Variants in WDFY3 observed in about 807,000 individuals in gnomAD.
WDFY3 encodes WD repeat and FYVE domain-containing protein 3.
In WDFY3, 66 loss-of-function variants were observed where a neutral mutation model predicts 409.6. That is an observed-to-expected ratio of 0.16 (90% CI 0.13 to 0.20). The LOEUF is 0.20. Among genes scored for constraint, WDFY3 ranks in the 10% least tolerant of loss-of-function variants. The pLI is 1.00. For synonymous variants in WDFY3, 1,521 were observed against 1,537.1 expected, an observed-to-expected ratio of 0.99 and a Z score of 0.25; for missense variants, 3,031 against 4,298.1, an observed-to-expected ratio of 0.71 and a Z score of 8.24.
In WDFY3 at chr4:84,692,933, A is replaced by T; in HGVS notation, c.9001T>A (p.Phe3001Ile). 6.2e-7 allele frequency: 1 copy of T among 1,613,370 alleles called. No individual in the cohort carries two copies. Among genetic ancestry groups the T allele is most frequent in the Non-Finnish European group, 8.5e-7 (1 of 1,179,884 alleles). ...VLPGSTSDKI[F>I]FHHLDNLRPS... ...CTCAAGTTGTCTAGATGATGAAAAA[A>T]GATCTTGTCACTTGTAGATCCTGGT... The change falls in exon 59 of 68, where the codon TTT becomes ATT. Residue 3001 changes from phenylalanine (F) to isoleucine (I), a missense_variant. Physicochemically the swap from Phe to Ile is conservative, Grantham distance 21. Around this residue, in one of 16 missense-constraint regions of WDFY3, gnomAD observed 152 missense variants for 193.5 expected, o/e 0.79. Transcript: ENST00000295888.
At chr4:84,755,518 C>T (rs1741285375) in intron 33 of WDFY3, 118 bp from the exon 34 acceptor site, 1 of 1,149,594 alleles carries the variant, frequency 8.7e-7, no homozygotes, top group Non-Finnish European at 1.2e-6. Context: ...TTAAAAGTAA[C>T]CAATGATATA....
chr4:84,913,851 T>C (rs1052855748), intron 2 of WDFY3, among the ~76,000 whole-genome samples: 2 of 151,884 alleles, frequency 1.3e-5, no homozygotes, highest in African/African-American at 4.8e-5. Context: ...TTCCCTTCCC[T>C]TCCACCTCCT....
intron 56 of WDFY3, among the ~76,000 whole-genome samples, chr4:84,700,619 G>A (rs6816534): frequency 0.27 from 40,943 of 152,124 alleles, 6,034 homozygotes; most frequent in East Asian, 0.43. Context: ...AAGTAGATTG[G>A]TTAGTTGGGT....
At chr4:84,763,312 T>C (rs1427208393) in intron 32 of WDFY3, among the ~76,000 whole-genome samples, 1 of 151,702 alleles carries the variant, frequency 6.6e-6, no homozygotes, top group Non-Finnish European at 1.5e-5. Context: ...TTCTCACTCA[T>C]AAGTGGGAGT....
chr4:84,720,836 A>T (rs1166402844), intron 47 of WDFY3, among the ~76,000 whole-genome samples: 2 of 151,934 alleles, frequency 1.3e-5, no homozygotes, highest in East Asian at 3.9e-4. Flanking sequence ...GGAAAAAAAA[A>T]CACAACATGG....
rs754220010 is a variant in WDFY3, at chr4:84,735,098, G to A, written c.6938C>T (p.Thr2313Ile). 1.2e-6 allele frequency: 2 copies of A among 1,612,966 alleles called. No individual in the cohort carries two copies. The highest frequency in any genetic ancestry group is 1.1e-5 in the South Asian group (1 of 91,040). The change falls in exon 43 of 68, where the codon ACT (threonine) becomes ATT (isoleucine). Residue 2313 changes from threonine to isoleucine, a missense_variant. Thr to Ile is a moderately conservative substitution (Grantham distance 89). Coordinates refer to ENST00000295888, the MANE Select transcript of WDFY3 (RefSeq NM_014991.6). Reference protein sequence around the residue: ...STQEISQWMFTHIAVVRDLVD... With the variant: ...STQEISQWMFIHIAVVRDLVD... ...TAAGTCACGAACAACAGCAATGTGA[G>A]TAAACATCCACTGCGAAATCTCCTA... is the stretch of plus-strand genomic sequence containing the variant.
intron 57 of WDFY3, 44 bp from the exon 58 acceptor site, chr4:84,696,226 A>G (rs896447735): frequency 6.3e-7 from 1 of 1,589,884 alleles, no homozygotes; most frequent in East Asian, 2.2e-5. Context: ...GACTTCTATT[A>G]CTTGCTCAGA....
intron 15 of WDFY3, among the ~76,000 whole-genome samples, chr4:84,807,257 T>C (rs996395095): frequency 1.3e-5 from 2 of 152,152 alleles, no homozygotes; most frequent in Admixed American, 6.6e-5. Context: ...AAAAAAGAAA[T>C]TGCAGTTTTT....
At chr4:84,930,713 A>G (rs1770659879) in intron 2 of WDFY3, among the ~76,000 whole-genome samples, 1 of 152,214 alleles carries the variant, frequency 6.6e-6, no homozygotes, top group South Asian at 2.1e-4. Flanking sequence ...AGTCAAATAA[A>G]TGTCCATCAA....
chr4:84,740,489 C>G, intron 38 of WDFY3, 73 bp from the exon 39 acceptor site: 1 of 1,450,872 alleles, frequency 6.9e-7, no homozygotes, highest in Non-Finnish European at 9.6e-7. Flanking sequence ...CATACATGAA[C>G]TTTTATTAGG....
At chr4:84,863,855 G>A (rs1032461078) in intron 3 of WDFY3, among the ~76,000 whole-genome samples, 2 of 152,086 alleles carry the variant, frequency 1.3e-5, no homozygotes, top group East Asian at 3.9e-4. Flanking sequence ...GACTGTAAAT[G>A]CATGGATTTA....
At chr4:84,912,076 C>T (rs1023824027) in intron 2 of WDFY3, among the ~76,000 whole-genome samples, 4 of 152,164 alleles carry the variant, frequency 2.6e-5, no homozygotes, top group Non-Finnish European at 4.4e-5. Context: ...TATATGGCAA[C>T]AAAATGTGTC....
rs764759324 is a variant in WDFY3, at chr4:84,670,465, A to T, written c.*2403T>A. The T allele has an allele frequency of 6.6e-6, 1 of 152,664 alleles. No individual in the cohort carries two copies. The highest frequency in any genetic ancestry group is 1.5e-5 in the Non-Finnish European group (1 of 68,040). The allele number at this position is 152,664 out of a possible 1,614,324, so 9.5% of individuals were successfully genotyped here. On this transcript the variant is annotated 3_prime_UTR_variant, in exon 68 of 68. Transcript: ENST00000295888. ...AAAAGAAAAGAAACCCGATTGAACA[A>T]AACAGTTGCCCACAGCACCAGCTGC...
chr4:84,824,667 T>C (rs1024903942), intron 10 of WDFY3, among the ~76,000 whole-genome samples: 1 of 152,154 alleles, frequency 6.6e-6, no homozygotes, highest in East Asian at 1.9e-4. Flanking sequence ...ATGATTACGG[T>C]GGTGATTACA....
At chr4:84,900,603 T>C (rs1279457762) in intron 2 of WDFY3, among the ~76,000 whole-genome samples, 1 of 152,180 alleles carries the variant, frequency 6.6e-6, no homozygotes, top group Non-Finnish European at 1.5e-5. Context: ...AGATTACAAA[T>C]GTAATTCCAT....
intron 8 of WDFY3, among the ~76,000 whole-genome samples, 153 bp downstream of exon 8, chr4:84,831,260 A>G (rs920150650): frequency 6.6e-6 from 1 of 152,000 alleles, no homozygotes; most frequent in African/African-American, 2.4e-5. Flanking sequence ...AATGCCCCAC[A>G]GATGAAAAAA....
At chr4:84,905,766 T>G (rs1467198301) in intron 2 of WDFY3, among the ~76,000 whole-genome samples, 1 of 152,136 alleles carries the variant, frequency 6.6e-6, no homozygotes, top group African/African-American at 2.4e-5. Context: ...CTTTCTACCT[T>G]TCAAACTTCA....
chr4:84,704,049 C>A (rs1680925744), intron 55 of WDFY3, among the ~76,000 whole-genome samples: 1 of 152,116 alleles, frequency 6.6e-6, no homozygotes. Flanking sequence ...TGGAATATAT[C>A]ATGTTTTTGT....
intron 1 of WDFY3, among the ~76,000 whole-genome samples, chr4:84,946,814 T>G (rs911071972): frequency 2.8e-5 from 4 of 145,050 alleles, no homozygotes; most frequent in South Asian, 2.2e-4. Flanking sequence ...TCATTTTTTG[T>G]TTTTTTTTTT....
Sources: gnomAD v4.1 joint callset for allele counts (sites outside exome capture counted in the v4.1 genomes callset) on GRCh38, gnomAD v4.1.1 for gene constraint, gnomAD v4.1.1 regional missense constraint, MANE v1.5 for transcripts, NCBI Gene and HGNC (gene_info 2026-07-23, HGNC 2026-07-21) for gene names.